The following CDH13 variants were observed in gnomAD, a reference collection of about 807,000 sequenced individuals.
The protein encoded by CDH13 is cadherin-13.
In CDH13, 24 loss-of-function variants were observed where a neutral mutation model predicts 63.8. The observed-to-expected ratio is 0.38, with a 90% CI of 0.27 to 0.53. The LOEUF is 0.53. Among genes scored for constraint, CDH13 ranks in the 20% least tolerant of loss-of-function variants. CDH13 has a pLI of 0.85. For missense variants in CDH13, 1,049 were observed against 903.1 expected, an observed-to-expected ratio of 1.16 and a Z score of -2.07; for synonymous variants, 503 against 355.3, an observed-to-expected ratio of 1.42 and a Z score of -4.67.
At chr16:83,073,692 T>C (rs761794049) in intron 3 of CDH13, among the ~76,000 whole-genome samples, 5 of 152,080 alleles carry the variant, frequency 3.3e-5, no homozygotes, top group Non-Finnish European at 7.4e-5. Flanking sequence ...CCTGACACTA[T>C]AGCTCTTCAC....
chr16:83,773,765 T>A (rs957552498), intron 11 of CDH13, among the ~76,000 whole-genome samples: 1 of 152,180 alleles, frequency 6.6e-6, no homozygotes, highest in Non-Finnish European at 1.5e-5. Context: ...CTTCTAGCCT[T>A]GCCTCAAACC....
chr16:83,316,876 G>A (rs2090117532), intron 5 of CDH13, among the ~76,000 whole-genome samples: 1 of 152,020 alleles, frequency 6.6e-6, no homozygotes, highest in Admixed American at 6.5e-5. Context: ...GCTTCATCTG[G>A]GCTGGGCTGG....
At chr16:83,379,831 C>T (rs138751781) in intron 6 of CDH13, among the ~76,000 whole-genome samples, 17 of 149,468 alleles carry the variant, frequency 1.1e-4, no homozygotes, top group East Asian at 2.0e-4. Flanking sequence ...AAGGAATGAA[C>T]GAAATATTAT....
At chr16:83,625,576 T>C (rs1910222882) in intron 8 of CDH13, among the ~76,000 whole-genome samples, 2 of 152,250 alleles carry the variant, frequency 1.3e-5, no homozygotes, top group Non-Finnish European at 2.9e-5. Context: ...CTCTCAGAAC[T>C]GCAGAAAACA....
At chr16:82,882,229 TAAG>T (rs1219498374) in intron 2 of CDH13, among the ~76,000 whole-genome samples, 5 of 152,214 alleles carry the variant, frequency 3.3e-5, no homozygotes, top group African/African-American at 1.2e-4. Context: ...AACATAATAA[TAAG>T]CATTAATCTC....
At chr16:83,014,764 A>ATATATTTG (rs1914546738) in intron 2 of CDH13, among the ~76,000 whole-genome samples, 1 of 51,154 alleles carries the variant, frequency 2.0e-5, no homozygotes, top group African/African-American at 6.5e-5. Context: ...ATATATATAT[A>ATATATTTG]TATATATATA....
chr16:83,084,186 C>A (rs1250010775), intron 3 of CDH13, among the ~76,000 whole-genome samples: 1 of 152,182 alleles, frequency 6.6e-6, no homozygotes, highest in African/African-American at 2.4e-5. Context: ...GGCACGTACA[C>A]AAAAGATTGG....
chr16:82,748,880 C>T (rs1273019933), intron 1 of CDH13, among the ~76,000 whole-genome samples: 2 of 152,150 alleles, frequency 1.3e-5, no homozygotes, highest in African/African-American at 4.8e-5. Flanking sequence ...AAATATGTGC[C>T]TTGGTCATCC....
chr16:83,712,082 C>T (rs1011996775), intron 10 of CDH13, among the ~76,000 whole-genome samples: 4 of 152,238 alleles, frequency 2.6e-5, no homozygotes, highest in Middle Eastern at 3.4e-3. Flanking sequence ...ATGAGGACAC[C>T]AGTCATATCT....
intron 2 of CDH13, among the ~76,000 whole-genome samples, chr16:82,994,986 T>C (rs997325516): frequency 1.3e-5 from 2 of 152,300 alleles, no homozygotes; most frequent in Admixed American, 6.5e-5. Context: ...ATACTATTGA[T>C]CCTGTAGGAT....
At chr16:83,755,820 G>C (rs991529592) in intron 11 of CDH13, among the ~76,000 whole-genome samples, 2 of 150,630 alleles carry the variant, frequency 1.3e-5, no homozygotes, top group Non-Finnish European at 2.9e-5. Flanking sequence ...ATTTCAGGCA[G>C]AGGGAAAATG....
intron 4 of CDH13, among the ~76,000 whole-genome samples, chr16:83,179,009 C>G (rs1764113800): frequency 6.6e-6 from 1 of 152,296 alleles, no homozygotes; most frequent in East Asian, 1.9e-4. Context: ...TATTTTTACA[C>G]AACTATTTGT....
At chr16:83,125,961 G>C (rs773732570) in intron 4 of CDH13, among the ~76,000 whole-genome samples, 24 of 152,164 alleles carry the variant, frequency 1.6e-4, no homozygotes, top group Non-Finnish European at 2.8e-4. Context: ...ATCATATCCA[G>C]AATCGGATAT....
rs2037886320 is a variant in CDH13 at position 82,819,375 on chromosome 16, A to G, written c.46-38987A>G. ...GTATCAAATGCTGATTCTCAAATTA[A>G]CAAATGCTGGAATTACTATGAGAAA... On this transcript the variant is annotated intron_variant, in intron 1 of 13. Transcript: ENST00000567109. Among the ~76,000 whole-genome samples, 3 of 152,340 alleles carry G rather than the reference A, an allele frequency of 2.0e-5. No individual in the cohort carries two copies. In the South Asian group the frequency reaches 6.2e-4, roughly 32 times the overall value.
At chr16:82,810,174 C>T (rs9925109) in intron 1 of CDH13, among the ~76,000 whole-genome samples, 23,759 of 152,178 alleles carry the variant, frequency 0.16, 1,988 homozygotes, top group Admixed American at 0.2. Context: ...AGATGTTATC[C>T]AGAGACAACA....
chr16:83,409,669 A>G (rs1326914269), intron 6 of CDH13, among the ~76,000 whole-genome samples: 2 of 152,194 alleles, frequency 1.3e-5, no homozygotes, highest in East Asian at 3.9e-4. Flanking sequence ...CCCTCTTCAA[A>G]ATGGCATCTC....
intron 7 of CDH13, among the ~76,000 whole-genome samples, chr16:83,515,913 G>GA (rs1455751434): frequency 6.6e-6 from 1 of 152,036 alleles, no homozygotes; most frequent in Non-Finnish European, 1.5e-5. Flanking sequence ...AGACAAGCCA[G>GA]AAAAAGAAAA....
intron 2 of CDH13, among the ~76,000 whole-genome samples, chr16:82,937,190 C>G (rs1242808030): frequency 6.6e-6 from 1 of 152,022 alleles, no homozygotes; most frequent in East Asian, 1.9e-4. Context: ...TTTGCTTTTT[C>G]TTTTTTTTCT....
intron 1 of CDH13, among the ~76,000 whole-genome samples, chr16:82,690,592 A>G (rs1915549567): frequency 6.6e-6 from 1 of 152,218 alleles, no homozygotes; most frequent in Non-Finnish European, 1.5e-5. Flanking sequence ...GAGAATGAGC[A>G]AAGAGACACT....
Sources: gnomAD v4.1 joint callset for allele counts (sites outside exome capture counted in the v4.1 genomes callset) on GRCh38, gnomAD v4.1.1 for gene constraint, MANE v1.5 for transcripts, NCBI Gene and HGNC (gene_info 2026-07-23, HGNC 2026-07-21) for gene names.